The following ESRP1 variants were observed in gnomAD, a reference collection of about 807,000 sequenced individuals.
The protein encoded by ESRP1 is epithelial splicing regulatory protein 1, also known as RNA-binding motif protein 35A.
In ESRP1, 33 loss-of-function variants were observed where a neutral mutation model predicts 81.7. The observed-to-expected ratio is 0.40, with a 90% CI of 0.31 to 0.54. ESRP1 has a LOEUF of 0.54. Among genes scored for constraint, ESRP1 ranks in the 20% least tolerant of loss-of-function variants. ESRP1 has a pLI of 0.41. For missense variants in ESRP1, 672 were observed against 833.1 expected, an observed-to-expected ratio of 0.81 and a Z score of 2.38; for synonymous variants, 320 against 303.3, an observed-to-expected ratio of 1.06 and a Z score of -0.57.
At chr8:94,660,919 C>T (rs922712393) in intron 4 of ESRP1, among the ~76,000 whole-genome samples, 3 of 152,074 alleles carry the variant, frequency 2.0e-5, no homozygotes, top group Admixed American at 1.3e-4. Flanking sequence ...GCCATCCCAA[C>T]GTTTAGCAAC....
intron 13 of ESRP1, among the ~76,000 whole-genome samples, chr8:94,690,089 A>AT (rs1349385621): frequency 6.6e-6 from 1 of 151,386 alleles, no homozygotes; most frequent in Non-Finnish European, 1.5e-5. Context: ...AAATGCTGGG[A>AT]TTACAGGCGT....
chr8:94,660,735 A>AC (rs1818692185), intron 4 of ESRP1, among the ~76,000 whole-genome samples: 4 of 127,046 alleles, frequency 3.1e-5, no homozygotes, highest in African/African-American at 7.8e-5. Context: ...AAAAAAAAAA[A>AC]AAAAAAAACC....
chr8:94,701,122 A>G (rs1484944160), intron 15 of ESRP1, among the ~76,000 whole-genome samples: 1 of 151,598 alleles, frequency 6.6e-6, no homozygotes, highest in Non-Finnish European at 1.5e-5. Flanking sequence ...AAAATAGAAA[A>G]AAATTAGCTG....
intron 15 of ESRP1, among the ~76,000 whole-genome samples, chr8:94,698,243 T>C (rs1016837408): frequency 2.6e-5 from 4 of 152,240 alleles, no homozygotes; most frequent in African/African-American, 9.6e-5. Context: ...TCTGTATACA[T>C]GAAACAAGAA....
intron 15 of ESRP1, among the ~76,000 whole-genome samples, chr8:94,700,953 A>ATGTGTGTG (rs371493650): frequency 1.4e-4 from 19 of 137,294 alleles, no homozygotes; most frequent in Admixed American, 5.9e-4. Context: ...GTGTGTGTGT[A>ATGTGTGTG]TGTGTGTGTG....
intron 4 of ESRP1, among the ~76,000 whole-genome samples, chr8:94,655,558 T>C (rs1167598898): frequency 6.6e-6 from 1 of 152,114 alleles, no homozygotes; most frequent in Non-Finnish European, 1.5e-5. Context: ...CAAAGCTCAC[T>C]TTAAAATATA....
Position 94,665,342 on chromosome 8 carries a change from A to G in ESRP1, c.931+146A>G, listed in dbSNP as rs1356211382. The G allele has an allele frequency of 5.5e-5, 45 of 815,936 alleles. No homozygotes were observed. The Admixed American group carries it at 1.1e-3, about 20-fold the overall frequency. 50.5% of individuals were successfully genotyped at this position (815,936 alleles called of 1,614,324 possible). On this transcript the variant is annotated intron_variant, in intron 9 of 15. Coordinates refer to ENST00000433389, the MANE Select transcript of ESRP1 (RefSeq NM_017697.4). ...GGAATAGATTTTCTTCCCCAGAGGT[A>G]GAAGCTTCCGATAATAACAGTGAGC...
chr8:94,681,590 T>C (rs1808887436), intron 13 of ESRP1, among the ~76,000 whole-genome samples: 1 of 152,224 alleles, frequency 6.6e-6, no homozygotes, highest in South Asian at 2.1e-4. Context: ...TGAGCCAAGA[T>C]TGTGCCACTG....
chr8:94,641,549 T>A, intron 1 of ESRP1, 99 bp downstream of exon 1: 2 of 1,512,672 alleles, frequency 1.3e-6, no homozygotes, highest in Non-Finnish European at 1.8e-6. Context: ...AAATAAGTGC[T>A]CTTGTTTGCC....
intron 4 of ESRP1, among the ~76,000 whole-genome samples, chr8:94,648,574 G>A (rs546316058): frequency 3.0e-4 from 45 of 152,278 alleles, no homozygotes; most frequent in African/African-American, 1.1e-3. Flanking sequence ...CATTTTCCTT[G>A]CCAATATGGA....
At chr8:94,648,816 C>T (rs968070511) in intron 4 of ESRP1, among the ~76,000 whole-genome samples, 1 of 152,162 alleles carries the variant, frequency 6.6e-6, no homozygotes, top group Admixed American at 6.5e-5. Context: ...TTGTTTTAAA[C>T]GAGGATACAG....
At position 94,646,233 on chromosome 8, in the gene ESRP1, C is replaced by T. The variant is rs1817843957; in HGVS notation, c.441C>T (p.Cys147=). ...FDLRKEFKKC[C]PGSPDIDKLD... is the part of the protein sequence containing the mutation. The stretch of plus-strand genomic sequence containing the variant: ...TTCGAAAAGAATTCAAGAAATGTTG[C>T]CCTGGTTCACCTGATATTGACAAAC... Residue 147 remains cysteine (C), a synonymous_variant, in exon 4 of 16, where the codon TGC becomes TGT. Transcript: ENST00000433389. The T allele has an allele frequency of 6.2e-7, 1 of 1,612,714 alleles. No individual in the cohort carries two copies. The highest frequency in any genetic ancestry group is 8.5e-7 in the Non-Finnish European group (1 of 1,179,188).
At position 94,664,878 on chromosome 8, in the gene ESRP1, C is replaced by G. The variant is rs200846428; in HGVS notation, c.756-49C>G. 9 of 1,606,464 alleles carry G rather than the reference C, an allele frequency of 5.6e-6. No individual in the cohort carries two copies. The African/African-American group carries it at 1.2e-4, about 22-fold the overall frequency. On this transcript the variant is annotated intron_variant, in intron 7 of 15. Transcript: ENST00000433389. ...TAATGGATTTTCTATCTTTTTTTTC[C>G]TCACTGTATTTTTTTTTCTACCTGC...
intron 12 of ESRP1, among the ~76,000 whole-genome samples, chr8:94,676,279 G>A (rs1819580953): frequency 6.6e-6 from 1 of 150,648 alleles, no homozygotes; most frequent in Non-Finnish European, 1.5e-5. Flanking sequence ...TTGATCACGG[G>A]AGGCGGAGGT....
chr8:94,684,702 C>T (rs2130690196), intron 13 of ESRP1, among the ~76,000 whole-genome samples: 1 of 152,296 alleles, frequency 6.6e-6, no homozygotes, highest in South Asian at 2.1e-4. Flanking sequence ...CTCTAATCTT[C>T]CACTTAATCA....
chr8:94,672,522 T>C (rs1563533846), intron 11 of ESRP1, among the ~76,000 whole-genome samples: 2 of 151,898 alleles, frequency 1.3e-5, no homozygotes, highest in African/African-American at 2.4e-5. Context: ...GTGGTTGTAG[T>C]TGAAACTTTG....
At position 94,696,924 on chromosome 8, in the gene ESRP1, TA is replaced by T; in HGVS notation, c.2046del (p.Ter682=). The T allele has an allele frequency of 6.3e-7, 1 of 1,585,150 alleles. No homozygotes were observed. The highest frequency in any genetic ancestry group is 1.8e-5 in the Admixed American group (1 of 55,494). On this transcript the variant is annotated frameshift_variant and stop_lost, in exon 15 of 16. Transcript: ENST00000433389. LOFTEE classifies it high-confidence loss of function. ...RTLPKEWVCI[*>X] ...TCTACCCAAAGAATGGGTTTGTATT[TA>T]AGGGCCCCAGCAGTTAGAACATCCT...
rs112138828 is a variant in ESRP1, at chr8:94,645,737, G to A, written c.376-431G>A. On this transcript the variant is annotated intron_variant, in intron 3 of 15. Coordinates refer to ENST00000433389, the MANE Select transcript of ESRP1 (RefSeq NM_017697.4). Reference sequence around the variant, plus strand: ...AAATATGCATTATTAGAACCCAATAGTTAGAACTACCCAGTTTTACAATCT... The same window carrying A: ...AAATATGCATTATTAGAACCCAATAATTAGAACTACCCAGTTTTACAATCT... 3.2e-3 allele frequency among the ~76,000 whole-genome samples: 489 copies of A among 152,284 alleles called. 2 individuals are homozygous for A. Among genetic ancestry groups the A allele is most frequent in the Middle Eastern group, 0.017 (5 of 294 alleles).
intron 15 of ESRP1, among the ~76,000 whole-genome samples, chr8:94,697,460 T>C (rs1416645379): frequency 6.6e-6 from 1 of 152,262 alleles, no homozygotes; most frequent in Non-Finnish European, 1.5e-5. Context: ...GGATATTTCA[T>C]GTAAATGGAA....
Sources: gnomAD v4.1 joint callset for allele counts (sites outside exome capture counted in the v4.1 genomes callset) on GRCh38, gnomAD v4.1.1 for gene constraint, MANE v1.5 for transcripts, NCBI Gene and HGNC (gene_info 2026-07-23, HGNC 2026-07-21) for gene names.